Variants in VRK3 observed in about 807,000 individuals in gnomAD.
VRK3 encodes serine/threonine-protein kinase VRK3.
In VRK3, 50 loss-of-function variants were observed where a neutral mutation model predicts 60.4. That is an observed-to-expected ratio of 0.83 (90% CI 0.66 to 1.05). The LOEUF is 1.05. Among genes scored for constraint, VRK3 ranks in the 50% least tolerant of loss-of-function variants. The probability of loss-of-function intolerance (pLI) is 0.00; values close to 1 mark genes in which losing one functional copy is unlikely to be tolerated. For synonymous variants in VRK3, 246 were observed against 227.8 expected (o/e 1.08, Z -0.72); for missense variants, 549 against 585.3 (o/e 0.94, Z 0.64).
chr19:49,982,231 CCGTAGCT>C (rs1313757296), intron 12 of VRK3: 2 of 702,682 alleles, frequency 2.8e-6, no homozygotes, highest in Admixed American at 2.0e-5. Context: ...ACCAACAGCA[CCGTAGCT>C]CATGCCTGAA....
Position 49,976,747 on chromosome 19 carries a change from A to C in VRK3, c.*49T>G, listed in dbSNP as rs1215674177. 1 of 149,472 alleles carries C rather than the reference A, an allele frequency of 6.7e-6. No individual in the cohort carries two copies. Among genetic ancestry groups the C allele is most frequent in the Non-Finnish European group, 1.5e-5 (1 of 67,096 alleles). The allele number at this position is 149,472 out of a possible 1,614,324, so 9.3% of individuals were successfully genotyped here. On this transcript the variant is annotated 3_prime_UTR_variant, in exon 15 of 15. Coordinates refer to ENST00000316763, the MANE Select transcript of VRK3 (RefSeq NM_016440.4). ...AGCAGGCCTTGAGTCACATTACTTC[A>C]TTTTTTTTTTTCTGTTGCACACTGC...
At chr19:49,987,660 G>A (rs8111649) in intron 12 of VRK3, 2,760 of 142,744 alleles carry the variant, frequency 0.019, 42 homozygotes, top group Middle Eastern at 0.054. Flanking sequence ...TTGCCTGCAT[G>A]TTTGTGATGA....
intron 3 of VRK3, among the ~76,000 whole-genome samples, chr19:50,013,806 C>A (rs1017033642): frequency 6.6e-6 from 1 of 152,116 alleles, no homozygotes; most frequent in Non-Finnish European, 1.5e-5. Context: ...ATGGAGCTTA[C>A]AGAAGAAGCA....
chr19:49,989,504 G>T, intron 11 of VRK3, 135 bp downstream of exon 11: 1 of 1,239,720 alleles, frequency 8.1e-7, no homozygotes, highest in Non-Finnish European at 1.1e-6. Context: ...CGCTGTCTGT[G>T]GTTCCAATCC....
chr19:49,993,329 G>T (rs187934107), intron 9 of VRK3, among the ~76,000 whole-genome samples: 1 of 152,284 alleles, frequency 6.6e-6, no homozygotes, highest in East Asian at 1.9e-4. Context: ...AATAAATCTT[G>T]TTAAGCAATT....
Position 49,994,870 on chromosome 19 carries a change from C to T in VRK3, c.814G>A (p.Val272Ile). 3.1e-6 allele frequency: 5 copies of T among 1,614,198 alleles called. No individual in the cohort carries two copies. Among genetic ancestry groups the T allele is most frequent in the Non-Finnish European group, 4.2e-6 (5 of 1,180,042 alleles). Residue 272 changes from valine to isoleucine, a missense_variant, in exon 9 of 15, where the codon GTC becomes ATC. Transcript: ENST00000316763. ...LGRSLQSALD[V>I]SPKHVLSERS... The stretch of plus-strand genomic sequence containing the variant: ...TCTGACAGCACATGCTTTGGGCTGA[C>T]ATCCAGGGCCGACTGAAGGCTCCTC...
In VRK3 at chr19:50,000,796, G is replaced by A. The variant is rs1439700979; in HGVS notation, c.606C>T (p.Leu202=). Reference sequence around the variant, plus strand: ...CACCTGCAGGGTCACTTACCAGTTTGAGTGAGAACTTTTGCTTCTGTGGTC... The same window carrying A: ...CACCTGCAGGGTCACTTACCAGTTTAAGTGAGAACTTTTGCTTCTGTGGTC... ...DSGPQKQKFS[L]KLDAKDGRLF... is the part of the protein sequence containing the mutation. Residue 202 remains leucine, a synonymous_variant, in exon 6 of 15, where the codon CTC becomes CTT. Transcript: ENST00000316763. 1.2e-6 allele frequency: 2 copies of A among 1,613,254 alleles called. No individual in the cohort carries two copies. Among genetic ancestry groups the A allele is most frequent in the Admixed American group, 1.7e-5 (1 of 59,882 alleles).
chr19:49,979,198 C>T lies in VRK3; in HGVS notation c.1321G>A (p.Glu441Lys). 2 of 1,614,100 alleles carry T rather than the reference C, an allele frequency of 1.2e-6. No homozygotes were observed. Among genetic ancestry groups the T allele is most frequent in the Non-Finnish European group, 1.7e-6 (2 of 1,180,008 alleles). ...AGCATGGCGTAGGGCGGCTTCTCCTCATACGTGAGGGCCATCACCACCTTC... is the reference window on the plus strand; with the variant it reads ...AGCATGGCGTAGGGCGGCTTCTCCTTATACGTGAGGGCCATCACCACCTTC... ...YLKVVMALTY[E>K]EKPPYAMLRN... Residue 441 changes from glutamate to lysine, a missense_variant, in exon 14 of 15, where the codon GAG becomes AAG. Glu to Lys is a moderately conservative substitution (Grantham distance 56, BLOSUM62 1). Transcript: ENST00000316763.
In VRK3 at chr19:49,995,193, G is replaced by A; in HGVS notation, c.762C>T (p.Tyr254=). ...CMGFGVHQDK[Y]RFLVLPSLGR... ...AAGCAGTGAGCAGAGCAGCTCACCT[G>A]TATTTGTCCTGGTGAACACCGAAAC... Residue 254 remains tyrosine (Y), a splice_region_variant and synonymous_variant, in exon 8 of 15, where the codon TAC becomes TAT. Transcript: ENST00000316763. The A allele has an allele frequency of 6.2e-7, 1 of 1,614,162 alleles. No individual in the cohort carries two copies. The highest frequency in any genetic ancestry group is 8.5e-7 in the Non-Finnish European group (1 of 1,179,986).
intron 3 of VRK3, among the ~76,000 whole-genome samples, chr19:50,009,644 G>A (rs2076961549): frequency 6.6e-6 from 1 of 152,016 alleles, no homozygotes; most frequent in African/African-American, 2.4e-5. Context: ...TTATATGTAT[G>A]TATATTTGAG....
chr19:50,012,219 G>A (rs2077006687), intron 3 of VRK3, among the ~76,000 whole-genome samples: 1 of 152,120 alleles, frequency 6.6e-6, no homozygotes, highest in Admixed American at 6.6e-5. Context: ...TGATCAGGCT[G>A]CCTCAGCCTC....
In VRK3 at chr19:50,009,232, T is replaced by C; in HGVS notation, c.289+4A>G. On this transcript the variant is annotated splice_donor_region_variant and intron_variant, in intron 4 of 14. Transcript: ENST00000316763. ...AGTCAGGCCAGATAGACCTTAACTC[T>C]TACCTTTGGATCTCTCAGAGGAACT... The C allele has an allele frequency of 1.9e-6, 3 of 1,613,740 alleles. No homozygotes were observed. Among genetic ancestry groups the C allele is most frequent in the Non-Finnish European group, 1.7e-6 (2 of 1,179,810 alleles).
rs11882175 is a variant in VRK3, at chr19:50,000,715, C to G, written c.612+75G>C. The G allele has an allele frequency of 0.01, 15,158 of 1,510,212 alleles. 1,296 individuals carry two copies. The African/African-American group carries it at 0.18, about 18-fold the overall frequency. 93.6% of individuals were successfully genotyped at this position (1,510,212 alleles called of 1,614,324 possible). The stretch of plus-strand genomic sequence containing the variant: ...CGGCCGAGCTCTCCCAGCTGACAGA[C>G]GGGCTCAGAAGTCAAGGATGTGTTT... On this transcript the variant is annotated intron_variant, in intron 6 of 14. Coordinates refer to ENST00000316763, the MANE Select transcript of VRK3 (RefSeq NM_016440.4).
intron 13 of VRK3, among the ~76,000 whole-genome samples, chr19:49,979,757 A>G (rs977394829): frequency 1.3e-5 from 2 of 152,134 alleles, no homozygotes; most frequent in Admixed American, 1.3e-4. Context: ...GATTTAAAGT[A>G]ATTCAGCCGG....
chr19:50,025,091 T>C (rs888740241), intron 1 of VRK3, 176 bp downstream of exon 1: 1 of 152,248 alleles, frequency 6.6e-6, no homozygotes, highest in African/African-American at 2.4e-5. Flanking sequence ...CAAGGTGGCT[T>C]GGGAAGCTCA....
chr19:50,004,413 T>G (rs2076859983), intron 5 of VRK3, among the ~76,000 whole-genome samples: 1 of 152,138 alleles, frequency 6.6e-6, no homozygotes, highest in Non-Finnish European at 1.5e-5. Flanking sequence ...CTTCTCGCTC[T>G]TTCTCCCTGC....
At position 50,016,121 on chromosome 19, in the gene VRK3, C is replaced by T. The variant is rs762088839; in HGVS notation, c.42G>A (p.Ala14=). ...FCPDCGKSIQ[A]AFKFCPYCGN... ...CACAGTAGGGGCAGAATTTGAATGC[C>T]GCTTGGATACTTTTGCCACAGTCTG... The change falls in exon 3 of 15, where the codon GCG becomes GCA. Residue 14 remains alanine, a synonymous_variant. Transcript: ENST00000316763. The T allele has an allele frequency of 6.8e-6, 11 of 1,614,160 alleles. No individual in the cohort carries two copies. The highest frequency in any genetic ancestry group is 2.2e-5 in the South Asian group (2 of 91,090).
At chr19:50,000,668 T>C (rs1421771513) in intron 6 of VRK3, 122 bp downstream of exon 6, 8 of 1,173,614 alleles carry the variant, frequency 6.8e-6, no homozygotes, top group African/African-American at 3.1e-5. Context: ...TAATACTCCT[T>C]GCAGGTGGGG....
chr19:49,982,314 C>G, intron 12 of VRK3: 1 of 674,964 alleles, frequency 1.5e-6, no homozygotes, highest in Middle Eastern at 2.4e-4. Context: ...AGCCCTTCAG[C>G]ATTATGCTAG....
Sources: allele counts gnomAD v4.1 joint callset (sites outside exome capture counted in the v4.1 genomes callset), GRCh38; gene constraint gnomAD v4.1.1; transcripts MANE v1.5; gene names NCBI Gene and HGNC (gene_info 2026-07-23, HGNC 2026-07-21).